Variants in JAZF1 observed in about 807,000 individuals in gnomAD.
JAZF1 encodes juxtaposed with another zinc finger protein 1.
In JAZF1, 8 loss-of-function variants were observed where a neutral mutation model predicts 26.4. That is an observed-to-expected ratio of 0.30 (90% CI 0.18 to 0.55). The LOEUF is 0.55. Among genes scored for constraint, JAZF1 ranks in the 20% least tolerant of loss-of-function variants. The pLI is 0.94. For missense variants in JAZF1, 199 were observed against 322.0 expected, an observed-to-expected ratio of 0.62 and a Z score of 2.92; for synonymous variants, 126 against 122.3, an observed-to-expected ratio of 1.03 and a Z score of -0.20.
chr7:28,120,139 T>C (rs552683722), intron 1 of JAZF1, among the ~76,000 whole-genome samples: 18 of 151,648 alleles, frequency 1.2e-4, no homozygotes, highest in African/African-American at 3.1e-4. Flanking sequence ...ACTTATCTTA[T>C]CTTGTAAAAG....
intron 1 of JAZF1, among the ~76,000 whole-genome samples, chr7:28,117,002 T>G (rs1164172662): frequency 6.6e-6 from 1 of 152,094 alleles, no homozygotes; most frequent in African/African-American, 2.4e-5. Flanking sequence ...TTTTGCATTT[T>G]TAGTAGAGGC....
chr7:27,844,112 C>G (rs952420857), intron 3 of JAZF1: 1 of 152,186 alleles, frequency 6.6e-6, no homozygotes, highest in Non-Finnish European at 1.5e-5. Context: ...GTAGGGGCTG[C>G]GGGACTCGAG....
At chr7:28,067,230 A>G (rs951154285) in intron 1 of JAZF1, among the ~76,000 whole-genome samples, 4 of 152,206 alleles carry the variant, frequency 2.6e-5, no homozygotes, top group Non-Finnish European at 4.4e-5. Flanking sequence ...TAAGGTAACT[A>G]TTATCCTCAG....
Position 27,943,522 on chromosome 7 carries a change from C to G in JAZF1, c.189-48106G>C, listed in dbSNP as rs147448884. ...ACGTGCTCCCTCTTCCCCGACACCT[C>G]GGGCCCACTTCATTACTTCCTCCAC... is the stretch of plus-strand genomic sequence containing the variant. On this transcript the variant is annotated intron_variant, in intron 2 of 4. Transcript: ENST00000283928. Among the ~76,000 whole-genome samples, 36 of 152,342 alleles carry G rather than the reference C, an allele frequency of 2.4e-4. No individual in the cohort carries two copies. In the East Asian group the frequency reaches 6.6e-3, roughly 28 times the overall value.
intron 1 of JAZF1, among the ~76,000 whole-genome samples, chr7:28,018,991 A>AAG (rs1417961412): frequency 6.6e-6 from 1 of 152,150 alleles, no homozygotes; most frequent in South Asian, 2.1e-4. Flanking sequence ...GAAGCCTGCC[A>AAG]AAGTCACCTC....
At chr7:28,118,171 C>T (rs142131140) in intron 1 of JAZF1, 1 of 152,272 alleles carries the variant, frequency 6.6e-6, no homozygotes, top group Non-Finnish European at 1.5e-5. Context: ...CCATGCTAAT[C>T]TTCTCTGTAT....
intron 1 of JAZF1, among the ~76,000 whole-genome samples, chr7:28,090,222 C>G (rs1784272741): frequency 6.6e-6 from 1 of 152,204 alleles, no homozygotes; most frequent in African/African-American, 2.4e-5. Context: ...ATAAGATTGC[C>G]TGTATAGCTC....
At chr7:28,121,840 C>T (rs2127938212) in intron 1 of JAZF1, among the ~76,000 whole-genome samples, 1 of 152,324 alleles carries the variant, frequency 6.6e-6, no homozygotes, top group Non-Finnish European at 1.5e-5. Context: ...TAAATCTGCA[C>T]CCGCAGTTTA....
intron 1 of JAZF1, among the ~76,000 whole-genome samples, chr7:28,045,584 T>C (rs748658431): frequency 6.6e-6 from 1 of 152,134 alleles, no homozygotes; most frequent in Admixed American, 6.5e-5. Context: ...GAATTTTGTT[T>C]TTGTTTTTTA....
chr7:28,036,636 T>G (rs1783299749), intron 1 of JAZF1, among the ~76,000 whole-genome samples: 1 of 152,220 alleles, frequency 6.6e-6, no homozygotes. Context: ...TTCTGGGGCC[T>G]GCCCCAAATG....
intron 1 of JAZF1, among the ~76,000 whole-genome samples, chr7:28,123,222 C>T (rs1482352220): frequency 1.3e-5 from 2 of 152,106 alleles, no homozygotes; most frequent in Non-Finnish European, 2.9e-5. Flanking sequence ...CCCTGTACTC[C>T]GAATCATGAC....
intron 1 of JAZF1, among the ~76,000 whole-genome samples, chr7:28,142,385 C>CA (rs1400765404): frequency 6.6e-6 from 1 of 152,202 alleles, no homozygotes; most frequent in Non-Finnish European, 1.5e-5. Context: ...CAGTGACACT[C>CA]AGTCTTTCAG....
rs754696664 is a variant in JAZF1, at chr7:28,020,055, C to T, written c.116-28074G>A. On this transcript the variant is annotated intron_variant, in intron 1 of 4. Transcript: ENST00000283928. The stretch of plus-strand genomic sequence containing the variant: ...ACATGTTCTGCCCTGAACACCACTT[C>T]TCCCTCTTTTGCTTGCTCTGCTCAG... Among the ~76,000 whole-genome samples the T allele has an allele frequency of 6.2e-4, 95 of 152,194 alleles. 1 individual carries two copies. Among genetic ancestry groups the T allele is most frequent in the Non-Finnish European group, 2.1e-4 (14 of 68,042 alleles).
At chr7:28,021,485 G>A (rs920244706) in intron 1 of JAZF1, among the ~76,000 whole-genome samples, 1 of 152,156 alleles carries the variant, frequency 6.6e-6, no homozygotes, top group Non-Finnish European at 1.5e-5. Flanking sequence ...CTGATAACTC[G>A]GCACACACTA....
At chr7:28,027,973 A>G (rs1458869956) in intron 1 of JAZF1, among the ~76,000 whole-genome samples, 1 of 152,200 alleles carries the variant, frequency 6.6e-6, no homozygotes, top group South Asian at 2.1e-4. Context: ...TTCTGAATAG[A>G]GCCTATTACA....
At chr7:28,101,727 G>A (rs1319232579) in intron 1 of JAZF1, among the ~76,000 whole-genome samples, 1 of 152,080 alleles carries the variant, frequency 6.6e-6, no homozygotes, top group African/African-American at 2.4e-5. Flanking sequence ...CTGGGTGATA[G>A]AGCAAAACTC....
At chr7:27,983,651 G>C (rs1785634376) in intron 2 of JAZF1, among the ~76,000 whole-genome samples, 1 of 152,180 alleles carries the variant, frequency 6.6e-6, no homozygotes, top group Non-Finnish European at 1.5e-5. Context: ...ATGATTGTCA[G>C]ATTCACAAAA....
chr7:28,081,079 G>A (rs567035091), intron 1 of JAZF1, among the ~76,000 whole-genome samples: 15 of 152,238 alleles, frequency 9.9e-5, no homozygotes, highest in African/African-American at 2.6e-4. Context: ...AAACCTCGTG[G>A]GGACCAGCAC....
intron 2 of JAZF1, among the ~76,000 whole-genome samples, chr7:27,900,894 T>C (rs1784152380): frequency 1.3e-5 from 2 of 151,994 alleles, no homozygotes; most frequent in Admixed American, 6.6e-5. Flanking sequence ...TTTCCACACA[T>C]AAAGATTTTA....
Sources: allele counts gnomAD v4.1 joint callset (sites outside exome capture counted in the v4.1 genomes callset), GRCh38; gene constraint gnomAD v4.1.1; transcripts MANE v1.5; gene names NCBI Gene and HGNC (gene_info 2026-07-23, HGNC 2026-07-21).